The following PRKN variants were observed in gnomAD, a reference collection of about 807,000 sequenced individuals.
The protein encoded by PRKN is E3 ubiquitin-protein ligase parkin.
Under a neutral mutation model 59.5 loss-of-function variants are expected in PRKN, and 56 were observed. The observed-to-expected ratio is 0.94, with a 90% CI of 0.76 to 1.18. PRKN has a LOEUF of 1.18. Among genes scored for constraint, PRKN ranks in the 50% most tolerant of loss-of-function variants. The pLI, the probability that PRKN is intolerant of heterozygous loss-of-function variation, is 0.00. For synonymous variants in PRKN, 250 were observed against 222.1 expected, an observed-to-expected ratio of 1.13 and a Z score of -1.12; for missense variants, 657 against 596.4, an observed-to-expected ratio of 1.10 and a Z score of -1.06.
intron 1 of PRKN, among the ~76,000 whole-genome samples, chr6:162,500,348 T>C (rs545383877): frequency 1.2e-4 from 18 of 152,204 alleles, no homozygotes; most frequent in Non-Finnish European, 2.4e-4. Flanking sequence ...ATTTTTTGTA[T>C]TTTTAGTAGA....
chr6:162,041,702 T>C (rs939671646), intron 5 of PRKN, among the ~76,000 whole-genome samples: 5 of 152,184 alleles, frequency 3.3e-5, no homozygotes, highest in East Asian at 1.9e-4. Flanking sequence ...CAGTATATCA[T>C]TGCATGGCTT....
At chr6:162,568,551 A>T in intron 1 of PRKN, 3 of 796,810 alleles carry the variant, frequency 3.8e-6, no homozygotes, top group Non-Finnish European at 6.6e-6. Context: ...GGTGGACCCC[A>T]ACATCCAGGC....
chr6:162,100,626 C>A (rs917824751), intron 4 of PRKN, among the ~76,000 whole-genome samples: 1 of 151,828 alleles, frequency 6.6e-6, no homozygotes, highest in African/African-American at 2.4e-5. Flanking sequence ...ATTTTTAGTA[C>A]AGAGAGGGTT....
rs1165422115 is a variant in PRKN at position 161,515,195 on chromosome 6, T to C, written c.1083+33659A>G. Among the ~76,000 whole-genome samples the C allele has an allele frequency of 2.6e-5, 4 of 152,320 alleles. No homozygotes were observed. In the South Asian group the frequency reaches 6.2e-4, roughly 24 times the overall value. On this transcript the variant is annotated intron_variant, in intron 9 of 11. Transcript: ENST00000366898. ...AACTGCATCTACTGAACATCTATTA[T>C]ATGCATAGTACCAACGAGAAATCAG...
intron 1 of PRKN, among the ~76,000 whole-genome samples, chr6:162,459,012 G>A (rs1791037647): frequency 6.6e-6 from 1 of 152,020 alleles, no homozygotes; most frequent in Non-Finnish European, 1.5e-5. Context: ...GTACAGACGG[G>A]ATTCGCCTTG....
At chr6:162,486,123 A>G (rs770819267) in intron 1 of PRKN, among the ~76,000 whole-genome samples, 16 of 152,242 alleles carry the variant, frequency 1.1e-4, no homozygotes, top group Non-Finnish European at 2.1e-4. Flanking sequence ...CTCTCCACCC[A>G]ACCCCCTCCT....
intron 4 of PRKN, among the ~76,000 whole-genome samples, chr6:162,152,700 A>G (rs1782323099): frequency 6.6e-6 from 1 of 152,192 alleles, no homozygotes; most frequent in African/African-American, 2.4e-5. Flanking sequence ...ATTTCCCAAT[A>G]TTGTCAAGGA....
At chr6:161,910,471 T>C (rs897217056) in intron 6 of PRKN, among the ~76,000 whole-genome samples, 4 of 152,086 alleles carry the variant, frequency 2.6e-5, no homozygotes, top group African/African-American at 7.2e-5. Context: ...GCCAGGCTGG[T>C]CTCAAACTCC....
In PRKN at chr6:161,457,954, G is replaced by T. The variant is rs1394359090; in HGVS notation, c.1084-71077C>A. Among the ~76,000 whole-genome samples, 1 of 152,188 alleles carries T rather than the reference G, an allele frequency of 6.6e-6. No individual in the cohort carries two copies. Among genetic ancestry groups the T allele is most frequent in the Non-Finnish European group, 1.5e-5 (1 of 68,040 alleles). On this transcript the variant is annotated intron_variant, in intron 9 of 11. Transcript: ENST00000366898. The surrounding 1 kb of genome is among the most constrained non-coding windows in gnomAD (Gnocchi z 5.0). Reference sequence around the variant, plus strand: ...GGTGATTTGGTGTTTCAAGGGTTGTGGGCTTTTATGGGACACAAGCTGAAC... The same window carrying T: ...GGTGATTTGGTGTTTCAAGGGTTGTTGGCTTTTATGGGACACAAGCTGAAC...
chr6:161,415,915 G>A (rs1734787568), intron 9 of PRKN, among the ~76,000 whole-genome samples: 1 of 151,892 alleles, frequency 6.6e-6, no homozygotes, highest in Admixed American at 6.6e-5. Context: ...TTCATCCTGC[G>A]TCACTCGACT....
chr6:162,133,173 T>C (rs1781439417), intron 4 of PRKN, among the ~76,000 whole-genome samples: 1 of 152,158 alleles, frequency 6.6e-6, no homozygotes, highest in Non-Finnish European at 1.5e-5. Flanking sequence ...TTCTAGACAT[T>C]GAAGACTGAT....
chr6:162,668,367 TC>T (rs1779183296), intron 1 of PRKN, among the ~76,000 whole-genome samples: 1 of 152,152 alleles, frequency 6.6e-6, no homozygotes, highest in Non-Finnish European at 1.5e-5. Context: ...ATTGTTACTC[TC>T]CCGGTGGAAT....
chr6:162,013,828 G>T (rs960792421), intron 5 of PRKN, among the ~76,000 whole-genome samples: 26 of 152,286 alleles, frequency 1.7e-4, no homozygotes, highest in African/African-American at 6.0e-4. Context: ...CTAAAAGTAT[G>T]TAGTAAATAA....
chr6:162,528,960 C>T (rs1253326665), intron 1 of PRKN, among the ~76,000 whole-genome samples: 2 of 152,106 alleles, frequency 1.3e-5, no homozygotes, highest in African/African-American at 4.8e-5. Flanking sequence ...TCACTGCAAC[C>T]TCCACCTCCT....
chr6:162,079,394 T>C (rs2128293187), intron 4 of PRKN, among the ~76,000 whole-genome samples: 1 of 152,202 alleles, frequency 6.6e-6, no homozygotes, highest in South Asian at 2.1e-4. Flanking sequence ...TGTAAATCGG[T>C]GTCCTCTTTT....
At chr6:162,216,294 G>A (rs534146373) in intron 3 of PRKN, among the ~76,000 whole-genome samples, 57 of 152,060 alleles carry the variant, frequency 3.7e-4, no homozygotes, top group Admixed American at 3.3e-3. Flanking sequence ...ACTTTGGGAG[G>A]CCGAGGCGGG....
rs545453577 is a variant in PRKN at position 162,385,679 on chromosome 6, A to T, written c.171+57631T>A. ...CTTCCTGTGCTCATTACTGAGTTTC[A>T]TGCAGACACGATGGAGTGGGAGGGA... On this transcript the variant is annotated intron_variant, in intron 2 of 11. Transcript: ENST00000366898. Among the ~76,000 whole-genome samples the T allele has an allele frequency of 4.6e-5, 7 of 152,218 alleles. No homozygotes were observed. The South Asian group carries it at 1.5e-3, about 32-fold the overall frequency.
At chr6:162,010,259 T>TATATATA (rs1782446388) in intron 5 of PRKN, among the ~76,000 whole-genome samples, 1 of 130,342 alleles carries the variant, frequency 7.7e-6, no homozygotes, top group Non-Finnish European at 1.6e-5. Flanking sequence ...ACATAATATA[T>TATATATA]ATTTTATATA....
At chr6:161,668,637 T>C (rs1392099335) in intron 7 of PRKN, among the ~76,000 whole-genome samples, 1 of 152,216 alleles carries the variant, frequency 6.6e-6, no homozygotes, top group African/African-American at 2.4e-5. Context: ...ACAGGAGGGA[T>C]GGACTTATTA....
Sources: gnomAD v4.1 joint callset for allele counts (sites outside exome capture counted in the v4.1 genomes callset) on GRCh38, gnomAD v4.1.1 for gene constraint, Gnocchi (gnomAD v3.1) non-coding constraint, MANE v1.5 for transcripts, NCBI Gene and HGNC (gene_info 2026-07-23, HGNC 2026-07-21) for gene names.